Variants in RMDN2 observed in about 807,000 individuals in gnomAD.
RMDN2 encodes the protein regulator of microtubule dynamics protein 2.
Under a neutral mutation model 52.8 loss-of-function variants are expected in RMDN2, and 61 were observed. The ratio of observed to expected loss-of-function variants is 1.16; its 90% CI spans 0.94 to 1.43. The LOEUF is 1.43. Among genes scored for constraint, RMDN2 ranks in the 40% most tolerant of loss-of-function variants. RMDN2 has a pLI of 0.00. For missense variants in RMDN2, 592 were observed against 475.3 expected, an observed-to-expected ratio of 1.25 and a Z score of -2.28; for synonymous variants, 180 against 153.1, an observed-to-expected ratio of 1.18 and a Z score of -1.30.
In RMDN2 at chr2:38,017,461, CAT is replaced by C; in HGVS notation, c.*223_*224del. 1.7e-6 allele frequency: 2 copies of C among 1,148,516 alleles called. No homozygotes were observed. Among genetic ancestry groups the C allele is most frequent in the African/African-American group, 1.6e-5 (1 of 63,312 alleles). 71.1% of individuals were successfully genotyped at this position (1,148,516 alleles called of 1,614,324 possible). The stretch of plus-strand genomic sequence containing the variant: ...ATAATGTCAATACATAATCTATAAA[CAT>C]GTATGCTTTATATTTTTCTTATCAA... On this transcript the variant is annotated 3_prime_UTR_variant, in exon 11 of 11. Transcript: ENST00000354545.
At chr2:37,927,246 C>T (rs1433146034) in intron 1 of RMDN2, among the ~76,000 whole-genome samples, 1 of 152,202 alleles carries the variant, frequency 6.6e-6, no homozygotes, top group Non-Finnish European at 1.5e-5. Context: ...TTGATGCTTT[C>T]CAAATCTCCC....
At chr2:38,056,629 C>T (rs1269045571) in intron 10 of RMDN2, among the ~76,000 whole-genome samples, 1 of 151,988 alleles carries the variant, frequency 6.6e-6, no homozygotes, top group Non-Finnish European at 1.5e-5. Context: ...AATAATTCTC[C>T]CAAACTTATT....
At chr2:37,950,420 G>A in intron 2 of RMDN2, 6 of 1,605,426 alleles carry the variant, frequency 3.7e-6, no homozygotes, top group Non-Finnish European at 5.1e-6. Flanking sequence ...TGAGATTCTA[G>A]AGTCTGCTGT....
intron 2 of RMDN2, among the ~76,000 whole-genome samples, chr2:37,933,360 C>A (rs1667005498): frequency 6.6e-6 from 1 of 152,200 alleles, no homozygotes; most frequent in Non-Finnish European, 1.5e-5. Flanking sequence ...CCTCACTTCC[C>A]AGACGGGGTG....
In RMDN2 at chr2:37,990,739, C is replaced by T. The variant is rs4670805; in HGVS notation, c.868-481C>T. On this transcript the variant is annotated intron_variant, in intron 6 of 10. Coordinates refer to ENST00000354545, the MANE Select transcript of RMDN2 (RefSeq NM_001170791.3). ...GCCTCCATAGCTCAATACATAACCC[C>T]TCAACGTCAATAATTACAGAGATGA... 5.1e-3 allele frequency among the ~76,000 whole-genome samples: 771 copies of T among 152,182 alleles called. 24 individuals carry two copies. Among genetic ancestry groups the T allele is most frequent in the East Asian group, 0.034 (175 of 5,178 alleles).
intron 2 of RMDN2, among the ~76,000 whole-genome samples, chr2:37,931,374 A>G (rs79175155): frequency 0.21 from 31,824 of 152,130 alleles, 3,459 homozygotes; most frequent in Non-Finnish European, 0.24. Flanking sequence ...TCGAAGACAA[A>G]CCAGGTGGTT....
downstream of RMDN2, among the ~76,000 whole-genome samples, chr2:38,022,590 T>C (rs1022147239): frequency 1.3e-5 from 2 of 152,200 alleles, no homozygotes; most frequent in Non-Finnish European, 2.9e-5. Flanking sequence ...AGAATCAAAC[T>C]GTATGTTGCA....
chr2:37,955,524 C>T (rs936505875), intron 2 of RMDN2, among the ~76,000 whole-genome samples: 1 of 152,060 alleles, frequency 6.6e-6, no homozygotes, highest in Non-Finnish European at 1.5e-5. Context: ...CAAATCTCAA[C>T]TTGAATTGTA....
At position 38,016,497 on chromosome 2, in the gene RMDN2, T is replaced by G. The variant is rs200199782; in HGVS notation, c.1180-689T>G. The stretch of plus-strand genomic sequence containing the variant: ...ACCATTTATCCTTTAAACAACACCG[T>G]GAATTAACACTGGAGAGAAGCCATA... On this transcript the variant is annotated intron_variant, in intron 10 of 10. Coordinates refer to ENST00000354545, the MANE Select transcript of RMDN2 (RefSeq NM_001170791.3). 3.3e-5 allele frequency among the ~76,000 whole-genome samples: 5 copies of G among 152,280 alleles called. No homozygotes were observed. In the East Asian group the frequency reaches 9.6e-4, roughly 29 times the overall value.
Position 37,991,262 on chromosome 2 carries a change from T to G in RMDN2, c.910T>G (p.Phe304Val). 6.3e-7 allele frequency: 1 copy of G among 1,589,990 alleles called. No individual in the cohort carries two copies. The highest frequency in any genetic ancestry group is 8.6e-7 in the Non-Finnish European group (1 of 1,166,734). Residue 304 changes from phenylalanine to valine, a missense_variant, in exon 7 of 11, where the codon TTT becomes GTT. Phe to Val is a conservative substitution (Grantham distance 50). Transcript: ENST00000354545. ...IAIKLLPEEP[F>V]LYYLKGRYCY... is the part of the protein sequence containing the mutation. ...AATCAAACTTTTACCAGAGGAACCC[T>G]TTCTATATTACCTCAAAGGGAGATA...
chr2:37,951,193 C>A, intron 2 of RMDN2: 1 of 1,513,740 alleles, frequency 6.6e-7, no homozygotes, highest in Non-Finnish European at 8.8e-7. Flanking sequence ...CACTCTGCTC[C>A]CTATTTTTTT....
chr2:38,010,933 C>A (rs1209603324), intron 10 of RMDN2, among the ~76,000 whole-genome samples: 1 of 152,196 alleles, frequency 6.6e-6, no homozygotes, highest in Non-Finnish European at 1.5e-5. Flanking sequence ...TGCTGTATCT[C>A]TGTAAGATAA....
At position 37,947,121 on chromosome 2, in the gene RMDN2, G is replaced by C. The variant is rs115938504; in HGVS notation, c.452+17392G>C. ...TTCTGTTACATGGTTACTTTGCAAA[G>C]TATGAGCTTTTAATGTAACTATCAC... On this transcript the variant is annotated intron_variant, in intron 2 of 10. Coordinates refer to ENST00000354545, the MANE Select transcript of RMDN2 (RefSeq NM_001170791.3). Among the ~76,000 whole-genome samples the C allele has an allele frequency of 3.2e-3, 491 of 152,184 alleles. 2 individuals carry two copies. The highest frequency in any genetic ancestry group is 0.011 in the African/African-American group (460 of 41,528).
At chr2:37,997,545 C>A in intron 8 of RMDN2, 31 bp downstream of exon 8, 1 of 1,345,012 alleles carries the variant, frequency 7.4e-7, no homozygotes, top group South Asian at 1.2e-5. Flanking sequence ...ATTTTAGTGT[C>A]AGACTGATTA....
At chr2:37,989,520 G>A (rs1674476666) in intron 5 of RMDN2, 21 bp from the exon 6 acceptor site, 1 of 1,574,204 alleles carries the variant, frequency 6.4e-7, no homozygotes, top group Non-Finnish European at 8.7e-7. Context: ...CACTGTTTTT[G>A]TCTGTTTTTG....
chr2:37,936,633 C>T (rs1002503620), intron 2 of RMDN2, among the ~76,000 whole-genome samples: 1 of 152,198 alleles, frequency 6.6e-6, no homozygotes, highest in African/African-American at 2.4e-5. Flanking sequence ...TTGCACTTCT[C>T]CAATGAACAG....
At chr2:37,933,491 T>G (rs1667022282) in intron 2 of RMDN2, among the ~76,000 whole-genome samples, 1 of 152,258 alleles carries the variant, frequency 6.6e-6, no homozygotes, top group Non-Finnish European at 1.5e-5. Flanking sequence ...CATTGAGCAC[T>G]GAGTGAACCA....
At chr2:38,003,604 G>GATAGATAGATAGATAGATAGA (rs1306774545) in intron 8 of RMDN2, among the ~76,000 whole-genome samples, 17 of 103,250 alleles carry the variant, frequency 1.6e-4, no homozygotes, top group South Asian at 1.3e-3. Context: ...AGATAGATAG[G>GATAGATAGATAGATAGATAGA]CAGACAGACA....
intron 10 of RMDN2, among the ~76,000 whole-genome samples, chr2:38,051,025 A>G (rs1681564547): frequency 6.6e-6 from 1 of 152,192 alleles, no homozygotes; most frequent in Admixed American, 6.5e-5. Context: ...AGAGTTGTGA[A>G]GAAGGAAGAG....
Sources: allele counts gnomAD v4.1 joint callset (sites outside exome capture counted in the v4.1 genomes callset), GRCh38; gene constraint gnomAD v4.1.1; transcripts MANE v1.5; gene names NCBI Gene and HGNC (gene_info 2026-07-23, HGNC 2026-07-21).